Variants in JAKMIP3 observed in about 807,000 individuals in gnomAD.
JAKMIP3 encodes the protein janus kinase and microtubule-interacting protein 3.
A neutral mutation model predicts 118.5 loss-of-function variants in JAKMIP3; 58 were observed. That is an observed-to-expected ratio of 0.49 (90% CI 0.40 to 0.61). The LOEUF (loss-of-function observed/expected upper bound fraction) is 0.61, where lower values mean the gene tolerates loss of function less well. Ranked by LOEUF, JAKMIP3 falls within the 20% of genes least tolerant of loss-of-function variation. The probability of loss-of-function intolerance (pLI) is 0.00; values close to 1 mark genes in which losing one functional copy is unlikely to be tolerated. For synonymous variants in JAKMIP3, 486 were observed against 451.2 expected (o/e 1.08, Z -0.98); for missense variants, 950 against 1,109.0 (o/e 0.86, Z 2.04).
chr10:132,130,756 G>A (rs1160830277), intron 3 of JAKMIP3, among the ~76,000 whole-genome samples: 1 of 152,234 alleles, frequency 6.6e-6, no homozygotes, highest in Non-Finnish European at 1.5e-5. Context: ...CTTCATGGCT[G>A]TGGCGAGACG....
At chr10:132,151,402 G>A (rs1309037198) in intron 16 of JAKMIP3, among the ~76,000 whole-genome samples, 3 of 152,160 alleles carry the variant, frequency 2.0e-5, no homozygotes, top group East Asian at 1.9e-4. Context: ...TGCCTGCCCA[G>A]CCCCTGGGGA....
chr10:132,039,944 T>G (rs935637517), intron 1 of JAKMIP3, among the ~76,000 whole-genome samples: 1 of 152,202 alleles, frequency 6.6e-6, no homozygotes, highest in Non-Finnish European at 1.5e-5. Flanking sequence ...AGCTCGTGCT[T>G]CTTTGTTTTG....
chr10:132,135,799 TG>T, intron 5 of JAKMIP3, 130 bp from the exon 6 acceptor site: 1 of 987,146 alleles, frequency 1.0e-6, no homozygotes, highest in Non-Finnish European at 1.5e-6. Context: ...CTTGGAGGCG[TG>T]GACTTCCCAA....
chr10:132,096,286 C>T (rs746826019), intron 1 of JAKMIP3, among the ~76,000 whole-genome samples: 2 of 152,180 alleles, frequency 1.3e-5, no homozygotes, highest in East Asian at 1.9e-4. Context: ...ATAGAGTGAT[C>T]GTTGCTGCCA....
At chr10:132,114,359 C>T (rs1260023961) in intron 2 of JAKMIP3, among the ~76,000 whole-genome samples, 4 of 152,204 alleles carry the variant, frequency 2.6e-5, no homozygotes, top group Admixed American at 6.5e-5. Context: ...GGACTACAGG[C>T]GTGCATCACT....
chr10:132,088,969 T>C (rs2042765444), intron 1 of JAKMIP3, among the ~76,000 whole-genome samples: 1 of 152,256 alleles, frequency 6.6e-6, no homozygotes, highest in African/African-American at 2.4e-5. Flanking sequence ...TAGGGAATCC[T>C]TTCCCCACTG....
chr10:132,063,579 C>T (rs896162152), upstream of JAKMIP3, among the ~76,000 whole-genome samples: 4 of 152,210 alleles, frequency 2.6e-5, no homozygotes, highest in South Asian at 4.1e-4. Flanking sequence ...GGTGTCAGCC[C>T]GGCCCAGCAC....
chr10:132,168,450 G>T lies in JAKMIP3; in HGVS notation c.*520G>T. The T allele has an allele frequency of 7.9e-7, 1 of 1,262,572 alleles. No homozygotes were observed. The highest frequency in any genetic ancestry group is 1.3e-5 in the South Asian group (1 of 79,584). The allele number at this position is 1,262,572 out of a possible 1,614,324, so 78.2% of individuals were successfully genotyped here. On this transcript the variant is annotated 3_prime_UTR_variant, in exon 23 of 24. Coordinates refer to ENST00000684848, the MANE Select transcript of JAKMIP3 (RefSeq NM_001323087.2). ...TTCAGGGGAACCTGGAGGCTCCCTG[G>T]GATGGTCCTGGGAGGGCTCCCCGAC... is the stretch of plus-strand genomic sequence containing the variant.
At position 132,049,493 on chromosome 10, in the gene JAKMIP3, CT is replaced by C. The variant is rs35059582; in HGVS notation, c.-138+12765del. On this transcript the variant is annotated intron_variant, in intron 1 of 23. Transcript: ENST00000657785. The surrounding 1 kb of genome is among the most constrained non-coding windows in gnomAD (Gnocchi z 4.3). ...CAATTTATTTCTCATTTTTGAGATG[CT>C]TTTTTTTTTCCTGAGTTCAATACAT... 0.09 allele frequency among the ~76,000 whole-genome samples: 13,479 copies of C among 149,198 alleles called. 627 individuals carry two copies. Among genetic ancestry groups the C allele is most frequent in the Middle Eastern group, 0.12 (35 of 286 alleles).
At chr10:132,061,225 ATACACCTGCCGTGACGGCG>A (rs2038385524), upstream of JAKMIP3, among the ~76,000 whole-genome samples, 2 of 31,526 alleles carry the variant, frequency 6.3e-5, no homozygotes, top group Admixed American at 9.9e-4. Flanking sequence ...CGGCGCACAC[ATACACCTGCCGTGACGGCG>A]CACACACACA....
Position 132,168,540 on chromosome 10 carries a change from A to AC in JAKMIP3, c.*614dup. On this transcript the variant is annotated 3_prime_UTR_variant, in exon 23 of 24. Coordinates refer to ENST00000684848, the MANE Select transcript of JAKMIP3 (RefSeq NM_001323087.2). ...GTCCTGAGCACCCGCTGGCCAACAG[A>AC]CCCCACATCCACCCTCGTTCATCAT... 2.3e-6 allele frequency: 1 copy of AC among 435,244 alleles called. No homozygotes were observed. Among genetic ancestry groups the AC allele is most frequent in the Non-Finnish European group, 4.0e-6 (1 of 252,404 alleles). The allele number at this position is 435,244 out of a possible 1,614,324, so 27.0% of individuals were successfully genotyped here. A position where few individuals can be genotyped will look rare whatever the true frequency, so the allele number is the denominator to read the frequency against.
Position 132,145,188 on chromosome 10 carries a change from C to CAG in JAKMIP3, c.1685_1686dup (p.Asp563ArgfsTer3). 6.2e-7 allele frequency: 1 copy of CAG among 1,607,472 alleles called. No individual in the cohort carries two copies. The highest frequency in any genetic ancestry group is 8.5e-7 in the Non-Finnish European group (1 of 1,177,578). ...GGAGAAGGCCCTGGCGGAGCAGGGGCAGGTGAGCCTGCAGCCATCTGCACG... is the reference window on the plus strand; with the variant it reads ...GGAGAAGGCCCTGGCGGAGCAGGGGCAGAGGTGAGCCTGCAGCCATCTGCACG... On this transcript the variant is annotated frameshift_variant and splice_region_variant, in exon 12 of 24. Transcript: ENST00000684848. LOFTEE classifies it high-confidence loss of function.
At chr10:132,055,585 G>A (rs1478658618) in intron 1 of JAKMIP3, among the ~76,000 whole-genome samples, 4 of 152,238 alleles carry the variant, frequency 2.6e-5, no homozygotes, top group Non-Finnish European at 4.4e-5. Context: ...GGATGTGTGT[G>A]CGCAGTTTGC....
chr10:132,087,908 C>G (rs565618756), intron 1 of JAKMIP3, among the ~76,000 whole-genome samples: 12 of 151,996 alleles, frequency 7.9e-5, no homozygotes, highest in Non-Finnish European at 1.8e-4. Flanking sequence ...CTTCCTGTGT[C>G]CATGTGTTCT....
chr10:132,170,330 C>A (rs1343005975), intron 23 of JAKMIP3: 1 of 152,300 alleles, frequency 6.6e-6, no homozygotes, highest in Non-Finnish European at 1.5e-5. Context: ...ACAACACACA[C>A]GGCGTGGACA....
At chr10:132,156,254 C>T (rs2057081417) in intron 19 of JAKMIP3, among the ~76,000 whole-genome samples, 1 of 152,206 alleles carries the variant, frequency 6.6e-6, no homozygotes, top group Non-Finnish European at 1.5e-5. Context: ...GGCCTCTGCT[C>T]TCCAGCCTCC....
chr10:132,042,188 T>C (rs1357983760), intron 1 of JAKMIP3, among the ~76,000 whole-genome samples: 1 of 143,742 alleles, frequency 7.0e-6, no homozygotes, highest in African/African-American at 2.8e-5. Flanking sequence ...CGCTCGCTCC[T>C]TCCTTCCTTC....
intron 2 of JAKMIP3, among the ~76,000 whole-genome samples, chr10:132,108,976 T>TATATACATATAC (rs1564907942): frequency 1.5e-5 from 2 of 130,174 alleles, no homozygotes; most frequent in Non-Finnish European, 3.2e-5. Flanking sequence ...ATAAATTATA[T>TATATACATATAC]ACGCAAATGT....
At chr10:132,045,047 A>G (rs909914185) in intron 1 of JAKMIP3, among the ~76,000 whole-genome samples, 7 of 152,104 alleles carry the variant, frequency 4.6e-5, no homozygotes, top group African/African-American at 1.7e-4. Flanking sequence ...GCTGCTATGA[A>G]CAGGGATGTG....
Sources: gnomAD v4.1 joint callset for allele counts (sites outside exome capture counted in the v4.1 genomes callset) on GRCh38, gnomAD v4.1.1 for gene constraint, Gnocchi (gnomAD v3.1) non-coding constraint, MANE v1.5 for transcripts, NCBI Gene and HGNC (gene_info 2026-07-23, HGNC 2026-07-21) for gene names.